The following TSPAN11 variants were observed in gnomAD, a reference collection of about 807,000 sequenced individuals.
TSPAN11 encodes the protein tetraspanin-11.
TSPAN11 carries 29 observed loss-of-function variants against 32.9 expected under a neutral mutation model. The observed-to-expected ratio is 0.88, with a 90% CI of 0.66 to 1.20. TSPAN11 has a LOEUF of 1.20. Among genes scored for constraint, TSPAN11 ranks in the 50% most tolerant of loss-of-function variants. The probability of loss-of-function intolerance (pLI) is 0.00; values close to 1 mark genes in which losing one functional copy is unlikely to be tolerated. For missense variants in TSPAN11, 283 were observed against 329.1 expected (o/e 0.86, Z 1.08); for synonymous variants, 140 against 141.3 (o/e 0.99, Z 0.07).
intron 5 of TSPAN11, among the ~76,000 whole-genome samples, chr12:30,982,092 G>T (rs1942410121): frequency 6.6e-6 from 1 of 152,152 alleles, no homozygotes; most frequent in African/African-American, 2.4e-5. Flanking sequence ...CTGAATGGGG[G>T]CCTGGGAGCC....
At chr12:31,004,740 C>T in the TSPAN11 span, among the ~76,000 whole-genome samples, 50 of 152,136 alleles carry the variant, frequency 3.3e-4, no homozygotes, top group Non-Finnish European at 5.4e-4. Flanking sequence ...GTGGAAGGGG[C>T]GGCCTCCCAT....
At chr12:31,000,058 G>A (rs760857483), downstream of TSPAN11, among the ~76,000 whole-genome samples, 14 of 152,228 alleles carry the variant, frequency 9.2e-5, no homozygotes, top group Admixed American at 2.0e-4. Flanking sequence ...TCTCATGGCT[G>A]TCATTAAACT....
At chr12:30,964,055 C>A (rs770749413) in intron 3 of TSPAN11, 38 bp downstream of exon 3, 3 of 1,589,958 alleles carry the variant, frequency 1.9e-6, no homozygotes, top group Non-Finnish European at 2.6e-6. Flanking sequence ...GATGGGGAGC[C>A]CTGCACCACC....
downstream of TSPAN11, chr12:30,999,175 G>C (rs1939454251): frequency 6.6e-6 from 1 of 152,174 alleles, no homozygotes; most frequent in Non-Finnish European, 1.5e-5. Flanking sequence ...GGCCGGGCAT[G>C]GTGGCACATA....
At chr12:30,965,609 C>G (rs1261273003) in intron 3 of TSPAN11, among the ~76,000 whole-genome samples, 1 of 152,192 alleles carries the variant, frequency 6.6e-6, no homozygotes, top group East Asian at 1.9e-4. Flanking sequence ...GAGCCACCTC[C>G]CTCTATCCTC....
At position 30,982,543 on chromosome 12, in the gene TSPAN11, T is replaced by A. The variant is rs35089; in HGVS notation, c.468T>A (p.Cys156Ter). 1.9e-6 allele frequency: 3 copies of A among 1,607,698 alleles called. No individual in the cohort carries two copies. Among genetic ancestry groups the A allele is most frequent in the Non-Finnish European group, 2.6e-6 (3 of 1,175,244 alleles). Residue 156 changes from cysteine (C) to a stop codon, truncating the protein, a stop_gained, in exon 6 of 8, where the codon TGT (cysteine) becomes TGA (stop). Coordinates refer to ENST00000546076, the MANE Select transcript of TSPAN11 (RefSeq NM_001370302.1). LOFTEE classifies it high-confidence loss of function. ...GCCTCTGCCTCCAGTTCAAGTGCTG[T>A]GGAAGCAACAGCTCAGCCGACTGGC... ...VDRLQQDFKC[C>*]GSNSSADWQH...
the TSPAN11 span, among the ~76,000 whole-genome samples, chr12:31,012,127 G>A: frequency 7.2e-5 from 11 of 152,244 alleles, no homozygotes; most frequent in African/African-American, 2.7e-4. Flanking sequence ...ATGGCCCAAG[G>A]CTGACTGTCC....
At chr12:30,950,392 A>G (rs1008859611) in intron 1 of TSPAN11, among the ~76,000 whole-genome samples, 36 of 152,196 alleles carry the variant, frequency 2.4e-4, no homozygotes, top group Non-Finnish European at 3.5e-4. Flanking sequence ...TAGATTGACA[A>G]TAGTACGTGA....
chr12:31,002,376 C>T, the TSPAN11 span, among the ~76,000 whole-genome samples: 9 of 152,204 alleles, frequency 5.9e-5, no homozygotes, highest in African/African-American at 2.2e-4. The surrounding 1 kb of genome is among the most constrained non-coding windows in gnomAD (Gnocchi z 4.8). Flanking sequence ...TGCCTGCCTC[C>T]TCTCCGGGGA....
intron 1 of TSPAN11, among the ~76,000 whole-genome samples, chr12:30,943,936 A>G (rs1938216534): frequency 6.6e-6 from 1 of 152,154 alleles, no homozygotes; most frequent in Non-Finnish European, 1.5e-5. Flanking sequence ...TATAAATTAA[A>G]CCATTTAGAC....
intron 2 of TSPAN11, among the ~76,000 whole-genome samples, chr12:30,957,052 G>A (rs1938492497): frequency 1.3e-5 from 2 of 152,370 alleles, no homozygotes; most frequent in South Asian, 4.1e-4. Context: ...CATCACTTCA[G>A]GAGTCAGGGA....
intron 3 of TSPAN11, among the ~76,000 whole-genome samples, chr12:30,970,118 C>T (rs1233144743): frequency 1.3e-5 from 2 of 152,212 alleles, no homozygotes; most frequent in Non-Finnish European, 2.9e-5. Context: ...ATGGGAAAGT[C>T]TGGGTAATTC....
At chr12:30,932,669 G>C (rs1301797969) in intron 1 of TSPAN11, among the ~76,000 whole-genome samples, 1 of 152,130 alleles carries the variant, frequency 6.6e-6, no homozygotes. Flanking sequence ...CTCCTTTGGA[G>C]ATCTACTAAA....
chr12:30,961,572 C>A (rs1938614109), intron 2 of TSPAN11, among the ~76,000 whole-genome samples: 1 of 151,968 alleles, frequency 6.6e-6, no homozygotes, highest in South Asian at 2.1e-4. Flanking sequence ...GACCATGTCC[C>A]AAGCAGGTCT....
At chr12:31,007,453 G>A in the TSPAN11 span, among the ~76,000 whole-genome samples, 2 of 151,728 alleles carry the variant, frequency 1.3e-5, no homozygotes, top group South Asian at 2.1e-4. Context: ...GGGATAGGTC[G>A]TCTGCCCTAC....
rs142287604 is a variant in TSPAN11, at chr12:30,927,393, G to T, written c.-12+597G>T. Reference sequence around the variant, plus strand: ...TCCGTGTGGAAAGAAGGCATGGAAGGTTCTGGGGTGTATCCTTTTCACCAG... The same window carrying T: ...TCCGTGTGGAAAGAAGGCATGGAAGTTTCTGGGGTGTATCCTTTTCACCAG... On this transcript the variant is annotated intron_variant, in intron 1 of 7. Transcript: ENST00000546076. 5.9e-5 allele frequency among the ~76,000 whole-genome samples: 9 copies of T among 152,378 alleles called. No individual in the cohort carries two copies. The East Asian group carries it at 1.4e-3, about 23-fold the overall frequency.
Position 30,979,552 on chromosome 12 carries a change from C to T in TSPAN11, c.352-14C>T, listed in dbSNP as rs914758218. 3.1e-6 allele frequency: 5 copies of T among 1,613,762 alleles called. No homozygotes were observed. Among genetic ancestry groups the T allele is most frequent in the Non-Finnish European group, 4.2e-6 (5 of 1,179,818 alleles). On this transcript the variant is annotated splice_polypyrimidine_tract_variant and intron_variant, in intron 4 of 7. Transcript: ENST00000546076. ...TGGTCCCGCTGATGGGGACTTCGCT[C>T]CTACCCTCCTCAGCTGAGTGATGAA...
chr12:30,943,830 G>A lies in TSPAN11; in HGVS notation c.-11-10151G>A, dbSNP rs190047659. On this transcript the variant is annotated intron_variant, in intron 1 of 7. Transcript: ENST00000546076. ...CAGGAAAGTGAAAATTAACTAAGAGGGAAACGGGCACAGAAGGACAAGGCT... is the reference window on the plus strand; with the variant it reads ...CAGGAAAGTGAAAATTAACTAAGAGAGAAACGGGCACAGAAGGACAAGGCT... Among the ~76,000 whole-genome samples the A allele has an allele frequency of 2.6e-5, 4 of 152,348 alleles. No homozygotes were observed. In the East Asian group the frequency reaches 7.7e-4, roughly 29 times the overall value.
intron 3 of TSPAN11, among the ~76,000 whole-genome samples, chr12:30,974,593 T>C (rs1331918879): frequency 2.0e-5 from 3 of 152,232 alleles, no homozygotes; most frequent in East Asian, 3.8e-4. Flanking sequence ...CACTCCTGCG[T>C]CTTTATCAGG....
Sources: gnomAD v4.1 joint callset for allele counts (sites outside exome capture counted in the v4.1 genomes callset) on GRCh38, gnomAD v4.1.1 for gene constraint, Gnocchi (gnomAD v3.1) non-coding constraint, MANE v1.5 for transcripts, NCBI Gene and HGNC (gene_info 2026-07-23, HGNC 2026-07-21) for gene names.